ZNF385D: variants seen among roughly 807,000 people sequenced by gnomAD.
ZNF385D encodes zinc finger protein 659.
ZNF385D carries 15 observed loss-of-function variants against 35.8 expected under a neutral mutation model. The observed-to-expected ratio is 0.42, with a 90% CI of 0.28 to 0.64. The LOEUF is 0.64. Among genes scored for constraint, ZNF385D ranks in the 30% least tolerant of loss-of-function variants. The pLI is 0.23. For synonymous variants in ZNF385D, 212 were observed against 186.8 expected (o/e 1.13, Z -1.10); for missense variants, 474 against 494.6 (o/e 0.96, Z 0.39).
intron 1 of ZNF385D, among the ~76,000 whole-genome samples, chr3:21,672,958 C>A (rs1281849922): frequency 1.3e-5 from 2 of 151,976 alleles, no homozygotes; most frequent in African/African-American, 2.4e-5. Context: ...AATATTTAAC[C>A]CCAAATATCC....
At chr3:22,120,128 C>G (rs1459299664) in intron 3 of ZNF385D, among the ~76,000 whole-genome samples, 2 of 151,896 alleles carry the variant, frequency 1.3e-5, no homozygotes, top group East Asian at 3.9e-4. Flanking sequence ...CCATGTCCTG[C>G]TGCATTTTTT....
At chr3:22,307,666 G>T (rs944891740) in intron 2 of ZNF385D, among the ~76,000 whole-genome samples, 1 of 151,322 alleles carries the variant, frequency 6.6e-6, no homozygotes, top group Non-Finnish European at 1.5e-5. Flanking sequence ...CTAGTGGCAA[G>T]AGGTAAGATA....
intron 3 of ZNF385D, among the ~76,000 whole-genome samples, chr3:22,153,319 T>G (rs1024455914): frequency 6.6e-6 from 1 of 152,084 alleles, no homozygotes; most frequent in Non-Finnish European, 1.5e-5. Context: ...GTCTCACCAG[T>G]GGCCATTGTC....
chr3:21,801,281 T>C (rs2072387407), intron 3 of ZNF385D, among the ~76,000 whole-genome samples: 2 of 152,208 alleles, frequency 1.3e-5, no homozygotes, highest in African/African-American at 4.8e-5. Context: ...TATTAGTCTA[T>C]AGTTTTCTTT....
chr3:21,670,021 T>A (rs1226355503), intron 1 of ZNF385D, among the ~76,000 whole-genome samples: 1 of 152,182 alleles, frequency 6.6e-6, no homozygotes, highest in Non-Finnish European at 1.5e-5. Flanking sequence ...AATCTTAACC[T>A]TAATCTACTA....
In ZNF385D at chr3:21,746,256, C is replaced by T. The variant is rs191899792; in HGVS notation, c.22+4639G>A. 1.2e-3 allele frequency among the ~76,000 whole-genome samples: 177 copies of T among 152,272 alleles called. 2 individuals are homozygous for T. The highest frequency in any genetic ancestry group is 2.2e-3 in the Non-Finnish European group (147 of 68,028). ...TTAGCTCATGAATTTTGGAACTTAT[C>T]CCTTAAATAAGCATACCTCATTTCC... On this transcript the variant is annotated intron_variant, in intron 1 of 7. Transcript: ENST00000281523.
chr3:21,873,736 T>C (rs1463273946), intron 3 of ZNF385D, among the ~76,000 whole-genome samples: 1 of 152,164 alleles, frequency 6.6e-6, no homozygotes, highest in Admixed American at 6.6e-5. Context: ...ATGCCGTATT[T>C]GTCCTTTTGT....
intron 6 of ZNF385D, among the ~76,000 whole-genome samples, chr3:21,425,230 A>G (rs995664120): frequency 6.6e-6 from 1 of 152,254 alleles, no homozygotes; most frequent in African/African-American, 2.4e-5. Flanking sequence ...ATACAAGAAT[A>G]GTAAAAACTC....
intron 4 of ZNF385D, among the ~76,000 whole-genome samples, chr3:21,458,003 T>C (rs375573): frequency 0.17 from 25,943 of 151,878 alleles, 2,378 homozygotes; most frequent in Non-Finnish European, 0.2. Context: ...GATACAGTCC[T>C]CAAAAAAAGT....
intron 2 of ZNF385D, among the ~76,000 whole-genome samples, chr3:21,587,067 G>A (rs2063833443): frequency 6.6e-6 from 1 of 152,038 alleles, no homozygotes; most frequent in East Asian, 1.9e-4. Context: ...TTAAAATTTT[G>A]GTATGAATGG....
chr3:21,984,752 T>A (rs1272190588), intron 3 of ZNF385D, among the ~76,000 whole-genome samples: 1 of 120,938 alleles, frequency 8.3e-6, no homozygotes, highest in Non-Finnish European at 1.8e-5. Context: ...TAAATTACCT[T>A]GGGCAGTATG....
At chr3:21,924,660 C>T (rs980835540) in intron 3 of ZNF385D, among the ~76,000 whole-genome samples, 1 of 152,142 alleles carries the variant, frequency 6.6e-6, no homozygotes, top group Non-Finnish European at 1.5e-5. Flanking sequence ...GGAGCTGGGA[C>T]ATTCATCTCT....
chr3:21,984,334 A>C (rs1233622060), intron 3 of ZNF385D, among the ~76,000 whole-genome samples: 6 of 131,826 alleles, frequency 4.6e-5, no homozygotes, highest in Admixed American at 3.7e-4. Flanking sequence ...TCTTGAATTG[A>C]TTTTTGTATA....
chr3:21,897,735 T>G (rs376385349), intron 3 of ZNF385D, among the ~76,000 whole-genome samples: 3 of 152,046 alleles, frequency 2.0e-5, no homozygotes, highest in Non-Finnish European at 2.9e-5. Flanking sequence ...GCACAGTGGG[T>G]GTATGGGTGC....
intron 3 of ZNF385D, among the ~76,000 whole-genome samples, chr3:21,973,598 C>G (rs74470401): frequency 0.043 from 6,470 of 151,626 alleles, 191 homozygotes; most frequent in Non-Finnish European, 0.063. Flanking sequence ...GAAATAAAGG[C>G]CATCTAAATT....
At chr3:21,932,193 A>AAAAAAAAAAAAT (rs1553701760) in intron 3 of ZNF385D, among the ~76,000 whole-genome samples, 1 of 141,036 alleles carries the variant, frequency 7.1e-6, no homozygotes, top group Non-Finnish European at 1.5e-5. Context: ...AAAAAAAAAA[A>AAAAAAAAAAAAT]AGTGTGACTT....
chr3:21,513,946 A>T (rs115182307), intron 3 of ZNF385D, among the ~76,000 whole-genome samples: 1 of 152,250 alleles, frequency 6.6e-6, no homozygotes, highest in Non-Finnish European at 1.5e-5. Flanking sequence ...GGGCCACTTG[A>T]TAGATGCAGA....
At chr3:21,525,545 G>A (rs796810909) in intron 3 of ZNF385D, among the ~76,000 whole-genome samples, 9 of 151,896 alleles carry the variant, frequency 5.9e-5, no homozygotes, top group African/African-American at 1.2e-4. Flanking sequence ...TTAGCCAGGC[G>A]TGGTGGTGCA....
chr3:22,068,749 A>C (rs917081277), intron 3 of ZNF385D, among the ~76,000 whole-genome samples: 1 of 152,230 alleles, frequency 6.6e-6, no homozygotes. Context: ...ACTCTGACTG[A>C]TAACTTTCTA....
Sources: gnomAD v4.1 joint callset for allele counts (sites outside exome capture counted in the v4.1 genomes callset) on GRCh38, gnomAD v4.1.1 for gene constraint, MANE v1.5 for transcripts, NCBI Gene and HGNC (gene_info 2026-07-23, HGNC 2026-07-21) for gene names.